The following AP3B1 variants were observed in gnomAD, a reference collection of about 807,000 sequenced individuals.
The protein encoded by AP3B1 is AP-3 complex subunit beta-1.
Under a neutral mutation model 132.5 loss-of-function variants are expected in AP3B1, and 61 were observed. That is an observed-to-expected ratio of 0.46 (90% CI 0.37 to 0.57). The LOEUF (loss-of-function observed/expected upper bound fraction) is 0.57, where lower values mean the gene tolerates loss of function less well. AP3B1 is among the 20% of genes least tolerant of loss of function. AP3B1 has a pLI of 0.00. For missense variants in AP3B1, 1,120 were observed against 1,289.4 expected (o/e 0.87, Z 2.01); for synonymous variants, 388 against 438.3 (o/e 0.89, Z 1.43).
chr5:78,267,445 T>TTA (rs751965067), intron 2 of AP3B1, 75 bp downstream of exon 2: 218 of 576,736 alleles, frequency 3.8e-4, no homozygotes, highest in South Asian at 5.5e-4. Flanking sequence ...TAACGTATTT[T>TTA]TATATATATA....
chr5:78,132,555 A>G (rs1752736053), intron 15 of AP3B1, among the ~76,000 whole-genome samples: 2 of 152,256 alleles, frequency 1.3e-5, no homozygotes, highest in Non-Finnish European at 1.5e-5. Flanking sequence ...AAGAAAACAT[A>G]GAATAAAAGT....
chr5:78,212,710 T>C (rs1385414262), intron 7 of AP3B1, among the ~76,000 whole-genome samples: 1 of 152,122 alleles, frequency 6.6e-6, no homozygotes, highest in Non-Finnish European at 1.5e-5. Context: ...GCTAGAGTAC[T>C]GTTTCACCTT....
intron 23 of AP3B1, among the ~76,000 whole-genome samples, chr5:78,036,632 ATAT>A (rs1747820492): frequency 6.6e-6 from 1 of 152,128 alleles, no homozygotes; most frequent in African/African-American, 2.4e-5. Flanking sequence ...GGAAAATGGA[ATAT>A]TATTCCTAAT....
chr5:78,225,143 A>C (rs1200559461), intron 6 of AP3B1, among the ~76,000 whole-genome samples: 1 of 152,104 alleles, frequency 6.6e-6, no homozygotes, highest in African/African-American at 2.4e-5. Flanking sequence ...ATAGCATCCT[A>C]AGATGAGCTG....
intron 24 of AP3B1, among the ~76,000 whole-genome samples, chr5:78,024,771 C>A (rs1201355362): frequency 6.6e-6 from 1 of 151,850 alleles, no homozygotes; most frequent in Non-Finnish European, 1.5e-5. Context: ...CCATGTTGGC[C>A]AGGCTAGTCT....
chr5:78,103,231 A>C (rs1751200710), intron 20 of AP3B1, among the ~76,000 whole-genome samples: 1 of 152,196 alleles, frequency 6.6e-6, no homozygotes, highest in African/African-American at 2.4e-5. Context: ...TAAACGAAGA[A>C]GTTAAGAGCT....
At chr5:78,055,035 AC>A (rs1748748803) in intron 22 of AP3B1, among the ~76,000 whole-genome samples, 2 of 151,676 alleles carry the variant, frequency 1.3e-5, no homozygotes, top group Admixed American at 6.6e-5. Flanking sequence ...ACACACACAC[AC>A]ACACACACAC....
intron 25 of AP3B1, chr5:78,015,835 A>G (rs1746835474): frequency 1.1e-5 from 4 of 368,164 alleles, no homozygotes; most frequent in South Asian, 1.0e-4. Context: ...TGAAATATCA[A>G]TTTCAGTCTC....
At chr5:78,113,257 T>A (rs369347202) in intron 19 of AP3B1, among the ~76,000 whole-genome samples, 1 of 152,242 alleles carries the variant, frequency 6.6e-6, no homozygotes, top group Admixed American at 6.5e-5. Context: ...CTTTAATACA[T>A]GATAATGTTA....
intron 21 of AP3B1, 38 bp from the exon 22 acceptor site, chr5:78,089,537 C>A: frequency 1.5e-6 from 2 of 1,305,248 alleles, no homozygotes; most frequent in Non-Finnish European, 2.2e-6. Context: ...TGTGCATGAA[C>A]GTTTAATTCA....
intron 22 of AP3B1, among the ~76,000 whole-genome samples, chr5:78,066,686 G>A (rs1021715737): frequency 3.9e-5 from 6 of 152,014 alleles, no homozygotes; most frequent in African/African-American, 1.5e-4. Flanking sequence ...CCTAACCTAT[G>A]AATGATTGGG....
At chr5:78,171,763 T>C (rs1466694281) in intron 11 of AP3B1, among the ~76,000 whole-genome samples, 1 of 152,212 alleles carries the variant, frequency 6.6e-6, no homozygotes. Flanking sequence ...TGGCCAGAAC[T>C]GCCAACACCA....
intron 13 of AP3B1, among the ~76,000 whole-genome samples, chr5:78,159,114 A>G (rs1299878412): frequency 6.6e-6 from 1 of 152,234 alleles, no homozygotes; most frequent in Non-Finnish European, 1.5e-5. Context: ...ATAAATGGTT[A>G]TGTGATTACT....
chr5:78,240,891 C>A lies in AP3B1; in HGVS notation c.250G>T (p.Val84Leu), dbSNP rs1190962445. 1 of 1,613,296 alleles carries A rather than the reference C, an allele frequency of 6.2e-7. No homozygotes were observed. Among genetic ancestry groups the A allele is most frequent in the Non-Finnish European group, 8.5e-7 (1 of 1,179,474 alleles). ...KNASELFPAV[V>L]KNVASKNIEI... Reference sequence around the variant, plus strand: ...ATATTTTTACTGGCCACATTCTTCACAACAGCAGGAAACAGTTCAGATGCA... The same window carrying A: ...ATATTTTTACTGGCCACATTCTTCAAAACAGCAGGAAACAGTTCAGATGCA... Residue 84 changes from valine (V) to leucine (L), a missense_variant, in exon 3 of 27, where the codon GTG (valine) becomes TTG (leucine). Around this residue, in one of 3 missense-constraint regions of AP3B1, gnomAD observed 129 missense variants for 212.4 expected, o/e 0.61. Coordinates refer to ENST00000255194, the MANE Select transcript of AP3B1 (RefSeq NM_003664.5).
At chr5:78,240,215 T>C (rs1747066600) in intron 3 of AP3B1, among the ~76,000 whole-genome samples, 1 of 152,234 alleles carries the variant, frequency 6.6e-6, no homozygotes, top group Non-Finnish European at 1.5e-5. Flanking sequence ...AACACATCTT[T>C]AATTTTATGG....
chr5:78,043,408 G>A, intron 22 of AP3B1: 1 of 204,680 alleles, frequency 4.9e-6, no homozygotes. Context: ...GGGATTACAG[G>A]CATGAGCCAT....
intron 7 of AP3B1, among the ~76,000 whole-genome samples, chr5:78,211,136 C>T (rs944128475): frequency 6.6e-6 from 1 of 152,084 alleles, no homozygotes; most frequent in Non-Finnish European, 1.5e-5. Context: ...AAATGTCGTG[C>T]CCTATAAATA....
chr5:78,023,644 A>C (rs549702638), intron 24 of AP3B1, among the ~76,000 whole-genome samples: 6 of 152,336 alleles, frequency 3.9e-5, no homozygotes, highest in Admixed American at 1.3e-4. Context: ...CCTGTATTTA[A>C]GTAAAAACAG....
In AP3B1 at chr5:78,020,632, C is replaced by G. The variant is rs187393876; in HGVS notation, c.2992+60G>C. 2,311 of 1,306,894 alleles carry G rather than the reference C, an allele frequency of 1.8e-3. 3 individuals carry two copies. The highest frequency in any genetic ancestry group is 2.4e-3 in the Non-Finnish European group (2,218 of 907,018). The allele number at this position is 1,306,894 out of a possible 1,614,324, so 81.0% of individuals were successfully genotyped here. ...ATGAAAATTTATTTTAGAGACTGTA[C>G]AGGAATAAGCACATATTATTTGGTA... On this transcript the variant is annotated intron_variant, in intron 25 of 26. Transcript: ENST00000255194.
Sources: allele counts gnomAD v4.1 joint callset (sites outside exome capture counted in the v4.1 genomes callset), GRCh38; gene constraint gnomAD v4.1.1; regional missense constraint gnomAD v4.1.1; transcripts MANE v1.5; gene names NCBI Gene and HGNC (gene_info 2026-07-23, HGNC 2026-07-21).